Variants in LINGO1 observed in about 807,000 individuals in gnomAD.
LINGO1 encodes leucine rich repeat and Ig domain containing 1.
Under a neutral mutation model 37.3 loss-of-function variants are expected in LINGO1, and 11 were observed. The ratio of observed to expected loss-of-function variants is 0.29; its 90% CI spans 0.19 to 0.49. The LOEUF (loss-of-function observed/expected upper bound fraction) is 0.49, where lower values mean the gene tolerates loss of function less well. Ranked by LOEUF, LINGO1 falls within the 20% of genes least tolerant of loss-of-function variation. LINGO1 has a pLI of 0.99. For missense variants in LINGO1, 585 were observed against 878.2 expected (o/e 0.67, Z 4.22); for synonymous variants, 387 against 403.0 (o/e 0.96, Z 0.48).
At chr15:77,649,611 C>T (rs968160306) in intron 3 of LINGO1, among the ~76,000 whole-genome samples, 5 of 152,196 alleles carry the variant, frequency 3.3e-5, no homozygotes, top group African/African-American at 1.2e-4. Context: ...GGCACTCTGG[C>T]TTCTGGGTCA....
intron 2 of LINGO1, among the ~76,000 whole-genome samples, chr15:77,704,687 A>G (rs972484057): frequency 5.9e-5 from 9 of 152,010 alleles, no homozygotes. Flanking sequence ...GCCTAGTCAC[A>G]GACTGGGCTC....
Position 77,619,573 on chromosome 15 carries a change from C to G in LINGO1, c.7-3673G>C, listed in dbSNP as rs371506863. Among the ~76,000 whole-genome samples, 18 of 152,148 alleles carry G rather than the reference C, an allele frequency of 1.2e-4. No homozygotes were observed. In the East Asian group the frequency reaches 3.3e-3, roughly 28 times the overall value. On this transcript the variant is annotated intron_variant, in intron 1 of 1. Coordinates refer to ENST00000355300, the MANE Select transcript of LINGO1 (RefSeq NM_032808.7). ...TGGTGGGGTGCACCTATAGTCCCAACTACTCAGGGAGATTGAAGTGGGAGA... is the reference window on the plus strand; with the variant it reads ...TGGTGGGGTGCACCTATAGTCCCAAGTACTCAGGGAGATTGAAGTGGGAGA...
At chr15:77,794,294 GTA>G (rs150156901) in intron 2 of LINGO1, among the ~76,000 whole-genome samples, 1 of 74,494 alleles carries the variant, frequency 1.3e-5, no homozygotes, top group Non-Finnish European at 2.8e-5. Context: ...ATATATGTAT[GTA>G]TATATATACA....
At chr15:77,790,558 CT>C (rs1437415290), upstream of LINGO1, among the ~76,000 whole-genome samples, 1 of 152,078 alleles carries the variant, frequency 6.6e-6, no homozygotes, top group Non-Finnish European at 1.5e-5. Context: ...CATGAGTTCT[CT>C]TCTTTAAGAG....
chr15:77,726,705 A>G (rs571769836), intron 2 of LINGO1, among the ~76,000 whole-genome samples: 11 of 152,382 alleles, frequency 7.2e-5, no homozygotes, highest in African/African-American at 2.6e-4. Context: ...CTTGGACATG[A>G]CACCAAAAAC....
At position 77,632,306 on chromosome 15, in the gene LINGO1, T is replaced by C. The variant is rs2074279774; in HGVS notation, c.6+4A>G. 2.1e-6 allele frequency: 3 copies of C among 1,437,946 alleles called. No homozygotes were observed. The East Asian group carries it at 9.1e-5, about 44-fold the overall frequency. 89.1% of individuals were successfully genotyped at this position (1,437,946 alleles called of 1,614,324 possible). A position where few individuals can be genotyped will look rare whatever the true frequency, so the allele number is the denominator to read the frequency against. On this transcript the variant is annotated splice_donor_region_variant and intron_variant, in intron 1 of 1. Coordinates refer to ENST00000355300, the MANE Select transcript of LINGO1 (RefSeq NM_032808.7). The surrounding 1 kb of genome is among the most constrained non-coding windows in gnomAD (Gnocchi z 6.0). ...CGGGGCTCGGCCGCGGCCGCCTGGC[T>C]CACCTGCATCTCGGGCGCGCCTTCG...
intron 1 of LINGO1, among the ~76,000 whole-genome samples, chr15:77,799,368 C>T (rs1473567966): frequency 6.6e-6 from 1 of 152,160 alleles, no homozygotes; most frequent in Non-Finnish European, 1.5e-5. Flanking sequence ...CTGAGCCATG[C>T]TTCTAAGAGA....
At chr15:77,698,624 C>T (rs1289961033), upstream of LINGO1, among the ~76,000 whole-genome samples, 3 of 152,200 alleles carry the variant, frequency 2.0e-5, no homozygotes, top group South Asian at 2.1e-4. Flanking sequence ...GCACCTCTTC[C>T]TCCAAGGCGG....
At chr15:77,683,143 G>T (rs185136025) in intron 2 of LINGO1, among the ~76,000 whole-genome samples, 416 of 152,334 alleles carry the variant, frequency 2.7e-3, no homozygotes, top group Non-Finnish European at 4.4e-3. Context: ...GCTCAGCCTC[G>T]CTGGGGAGAA....
chr15:77,677,937 C>T (rs1165453924), intron 2 of LINGO1, among the ~76,000 whole-genome samples: 3 of 152,230 alleles, frequency 2.0e-5, no homozygotes, highest in Admixed American at 2.0e-4. Flanking sequence ...ACCTGGCCCA[C>T]AGGGCACTGC....
Position 77,645,361 on chromosome 15 carries a change from C to G in LINGO1, c.-12-29461G>C, listed in dbSNP as rs374945204. On this transcript the variant is annotated intron_variant, in intron 3 of 3. Coordinates refer to the LINGO1 transcript ENST00000559893. ...GGTGGGATAGGGTGGAGGCATGGCC[C>G]TGAGGCCCACTCTTTATCACTGCCT... is the stretch of plus-strand genomic sequence containing the variant. 4.6e-5 allele frequency among the ~76,000 whole-genome samples: 7 copies of G among 152,326 alleles called. No individual in the cohort carries two copies. In the East Asian group the frequency reaches 1.2e-3, roughly 25 times the overall value.
At chr15:77,668,444 AAT>A (rs1243152523) in intron 3 of LINGO1, among the ~76,000 whole-genome samples, 7 of 152,182 alleles carry the variant, frequency 4.6e-5, no homozygotes, top group Non-Finnish European at 8.8e-5. Context: ...ACCTGCATGT[AAT>A]GCCAGTCACA....
intron 2 of LINGO1, among the ~76,000 whole-genome samples, chr15:77,726,936 T>C (rs1257707262): frequency 6.6e-6 from 1 of 152,180 alleles, no homozygotes; most frequent in Non-Finnish European, 1.5e-5. Flanking sequence ...AGGACTTGAA[T>C]AGACATTTCT....
intron 3 of LINGO1, among the ~76,000 whole-genome samples, chr15:77,661,086 G>A (rs940673389): frequency 1.5e-4 from 23 of 150,608 alleles, no homozygotes; most frequent in Non-Finnish European, 3.0e-4. Flanking sequence ...GGGCAAAGGC[G>A]AGCCGATTTT....
At chr15:77,630,749 G>GA (rs2074231100) in intron 1 of LINGO1, among the ~76,000 whole-genome samples, 1 of 152,202 alleles carries the variant, frequency 6.6e-6, no homozygotes, top group Non-Finnish European at 1.5e-5. Context: ...GCAGAGACAA[G>GA]AACACCACAG....
At chr15:77,762,577 A>G (rs1303628173) in intron 1 of LINGO1, among the ~76,000 whole-genome samples, 2 of 152,142 alleles carry the variant, frequency 1.3e-5, no homozygotes, top group Non-Finnish European at 2.9e-5. Context: ...CCTGGGCTTC[A>G]AGGCTAAGAG....
At chr15:77,653,954 C>T (rs910576078) in intron 3 of LINGO1, among the ~76,000 whole-genome samples, 1 of 152,228 alleles carries the variant, frequency 6.6e-6, no homozygotes, top group Non-Finnish European at 1.5e-5. Context: ...AACTAATATA[C>T]CAATTTTCTT....
At chr15:77,754,007 T>A (rs1246984916) in intron 1 of LINGO1, among the ~76,000 whole-genome samples, 2 of 151,734 alleles carry the variant, frequency 1.3e-5, no homozygotes, top group Non-Finnish European at 2.9e-5. Flanking sequence ...CCTGTCTTCA[T>A]GACAGAGAAG....
intron 3 of LINGO1, among the ~76,000 whole-genome samples, chr15:77,644,144 C>A (rs2074570882): frequency 6.6e-6 from 1 of 152,190 alleles, no homozygotes; most frequent in African/African-American, 2.4e-5. Context: ...AGGAAGGATA[C>A]GTAGCTGTGT....
Sources: gnomAD v4.1 joint callset for allele counts (sites outside exome capture counted in the v4.1 genomes callset) on GRCh38, gnomAD v4.1.1 for gene constraint, Gnocchi (gnomAD v3.1) non-coding constraint, MANE v1.5 for transcripts, NCBI Gene and HGNC (gene_info 2026-07-23, HGNC 2026-07-21) for gene names.